Variants in TLK1 observed in about 807,000 individuals in gnomAD.
TLK1 encodes the protein tousled like kinase 1.
TLK1 carries 24 observed loss-of-function variants against 105.3 expected under a neutral mutation model. The ratio of observed to expected loss-of-function variants is 0.23; its 90% CI spans 0.17 to 0.32. The LOEUF is 0.32. Among genes scored for constraint, TLK1 ranks in the 10% least tolerant of loss-of-function variants. The pLI is 1.00. For missense variants in TLK1, 558 were observed against 910.5 expected, an observed-to-expected ratio of 0.61 and a Z score of 4.98; for synonymous variants, 321 against 310.4, an observed-to-expected ratio of 1.03 and a Z score of -0.36.
At chr2:171,114,507 A>T (rs1690323711) in intron 2 of TLK1, among the ~76,000 whole-genome samples, 1 of 152,146 alleles carries the variant, frequency 6.6e-6, no homozygotes, top group South Asian at 2.1e-4. Flanking sequence ...AAACTGGAGG[A>T]ATAGCCAAGC....
intron 1 of TLK1, among the ~76,000 whole-genome samples, chr2:171,140,701 T>C (rs1023894718): frequency 3.3e-5 from 5 of 152,246 alleles, no homozygotes; most frequent in African/African-American, 1.2e-4. Context: ...ACTACCATTA[T>C]TCTAGGCCTC....
intron 1 of TLK1, among the ~76,000 whole-genome samples, chr2:171,157,695 A>C (rs1414126815): frequency 6.6e-6 from 1 of 152,244 alleles, no homozygotes; most frequent in Non-Finnish European, 1.5e-5. Context: ...TTGTGGTTTC[A>C]AATGTCAAAA....
chr2:171,000,632 G>A (rs1168307677), intron 18 of TLK1, among the ~76,000 whole-genome samples: 1 of 152,072 alleles, frequency 6.6e-6, no homozygotes, highest in African/African-American at 2.4e-5. Context: ...CTGAGGAGGG[G>A]TTAGTTTTGC....
At chr2:171,015,683 ATT>A (rs1491075550) in intron 12 of TLK1, among the ~76,000 whole-genome samples, 13 of 113,756 alleles carry the variant, frequency 1.1e-4, no homozygotes, top group African/African-American at 4.0e-4. Flanking sequence ...CATGTCATTC[ATT>A]CATACACACA....
Position 171,160,790 on chromosome 2 carries a change from G to A in TLK1, c.-362C>T, listed in dbSNP as rs1337772482. On this transcript the variant is annotated 5_prime_UTR_variant, in exon 1 of 21. Coordinates refer to ENST00000431350, the MANE Select transcript of TLK1 (RefSeq NM_012290.5). This position sits in a 1 kb window ranked among gnomAD's most constrained non-coding sequence, Gnocchi z 4.4. ...GCGCCGGCCGAGGACACTTCCGCGG[G>A]CGGAACCTGCCGGCACCTCTGCAGT... The A allele has an allele frequency of 2.5e-6, 1 of 397,234 alleles. No homozygotes were observed. Among genetic ancestry groups the A allele is most frequent in the Non-Finnish European group, 4.4e-6 (1 of 226,916 alleles). 24.6% of individuals were successfully genotyped at this position (397,234 alleles called of 1,614,324 possible). A position where few individuals can be genotyped will look rare whatever the true frequency, so the allele number is the denominator to read the frequency against.
At chr2:171,162,329 G>A (rs1692524445), upstream of TLK1, among the ~76,000 whole-genome samples, 1 of 152,224 alleles carries the variant, frequency 6.6e-6, no homozygotes, top group African/African-American at 2.4e-5. Context: ...CACGAGGTCA[G>A]GAGTTTGAGA....
chr2:171,222,072 G>A (rs956122441), intron 1 of TLK1, among the ~76,000 whole-genome samples: 2 of 152,150 alleles, frequency 1.3e-5, no homozygotes, highest in African/African-American at 4.8e-5. Flanking sequence ...AAATACATAT[G>A]TCCCTTTTGA....
At chr2:171,035,529 C>T (rs1170348833) in intron 11 of TLK1, among the ~76,000 whole-genome samples, 2 of 152,114 alleles carry the variant, frequency 1.3e-5, no homozygotes, top group Admixed American at 6.6e-5. Context: ...TTATCAGCAG[C>T]GTGAAAGCAA....
intron 2 of TLK1, among the ~76,000 whole-genome samples, chr2:171,101,017 A>G (rs1689666547): frequency 6.6e-6 from 1 of 152,214 alleles, no homozygotes; most frequent in Admixed American, 6.5e-5. Context: ...ACATACTATA[A>G]CATCTGTGAA....
intron 1 of TLK1, among the ~76,000 whole-genome samples, chr2:171,144,510 T>C (rs1485668252): frequency 6.6e-6 from 1 of 151,776 alleles, no homozygotes; most frequent in Admixed American, 6.6e-5. Flanking sequence ...TAGAACTCAG[T>C]AACAGAAAAA....
At chr2:170,998,320 T>C (rs918141218) in intron 18 of TLK1, among the ~76,000 whole-genome samples, 8 of 151,924 alleles carry the variant, frequency 5.3e-5, no homozygotes, top group African/African-American at 1.5e-4. Context: ...TTGTATCTCT[T>C]GTTTGTAACA....
chr2:171,107,403 T>C (rs1457564738), intron 2 of TLK1, among the ~76,000 whole-genome samples: 1 of 152,238 alleles, frequency 6.6e-6, no homozygotes, highest in Non-Finnish European at 1.5e-5. Context: ...AAATGTCCAA[T>C]GGAAAACATA....
chr2:171,213,163 C>T (rs1173569833), intron 1 of TLK1, among the ~76,000 whole-genome samples: 1 of 151,816 alleles, frequency 6.6e-6, no homozygotes, highest in Non-Finnish European at 1.5e-5. Context: ...CGCTAGACTA[C>T]AGGGCTCTAT....
intron 1 of TLK1, among the ~76,000 whole-genome samples, chr2:171,176,100 C>T (rs554165927): frequency 1.7e-4 from 26 of 151,996 alleles, no homozygotes; most frequent in Non-Finnish European, 3.2e-4. Context: ...CCATGCCCTG[C>T]TAAATTTTTT....
intron 1 of TLK1, among the ~76,000 whole-genome samples, chr2:171,195,454 G>C (rs1054246743): frequency 2.0e-4 from 27 of 135,916 alleles, no homozygotes; most frequent in Admixed American, 1.6e-4. Context: ...AGTCAGCCCA[G>C]ATGGCGCCAC....
intron 1 of TLK1, among the ~76,000 whole-genome samples, chr2:171,224,354 T>C (rs544167982): frequency 1.3e-5 from 2 of 152,348 alleles, no homozygotes; most frequent in East Asian, 1.9e-4. Context: ...CTTTGTAGTA[T>C]AATTTAAGTC....
intron 14 of TLK1, among the ~76,000 whole-genome samples, chr2:171,010,129 C>G (rs564981363): frequency 8.8e-4 from 134 of 152,144 alleles, no homozygotes; most frequent in African/African-American, 2.8e-3. Flanking sequence ...CCGGAAGAAG[C>G]CTTGAGCTAA....
intron 15 of TLK1, 37 bp downstream of exon 15, chr2:171,006,935 A>G: frequency 6.2e-7 from 1 of 1,603,678 alleles, no homozygotes. Context: ...TTCAAAAAAT[A>G]TTCAATTTTA....
At chr2:171,110,269 G>C (rs1297874254) in intron 2 of TLK1, among the ~76,000 whole-genome samples, 1 of 152,168 alleles carries the variant, frequency 6.6e-6, no homozygotes, top group African/African-American at 2.4e-5. Context: ...CAGGAGTTCA[G>C]ACCAGCCTGA....
Sources: gnomAD v4.1 joint callset for allele counts (sites outside exome capture counted in the v4.1 genomes callset) on GRCh38, gnomAD v4.1.1 for gene constraint, Gnocchi (gnomAD v3.1) non-coding constraint, MANE v1.5 for transcripts, NCBI Gene and HGNC (gene_info 2026-07-23, HGNC 2026-07-21) for gene names.